PRKAG2: variants seen among roughly 807,000 people sequenced by gnomAD.
The protein encoded by PRKAG2 is protein kinase AMP-activated non-catalytic subunit gamma 2, also known as 5'-AMP-activated protein kinase subunit gamma-2.
In PRKAG2, 26 loss-of-function variants were observed where a neutral mutation model predicts 69.6. The observed-to-expected ratio is 0.37, with a 90% confidence interval of 0.27 to 0.52. The LOEUF is 0.52. Ranked by LOEUF, PRKAG2 falls within the 20% of genes least tolerant of loss-of-function variation. The pLI, the probability that PRKAG2 is intolerant of heterozygous loss-of-function variation, is 0.90. For missense variants in PRKAG2, 557 were observed against 740.0 expected (o/e 0.75, Z 2.87); for synonymous variants, 293 against 285.0 (o/e 1.03, Z -0.28).
intron 3 of PRKAG2, among the ~76,000 whole-genome samples, chr7:151,740,434 T>C (rs1046469742): frequency 2.1e-4 from 30 of 141,014 alleles, no homozygotes; most frequent in Admixed American, 2.1e-4. Flanking sequence ...CCCGAGTTAC[T>C]GCACCAGTCC....
intron 3 of PRKAG2, among the ~76,000 whole-genome samples, chr7:151,704,329 A>G (rs541230242): frequency 7.7e-4 from 118 of 152,340 alleles, no homozygotes; most frequent in South Asian, 7.0e-3. Flanking sequence ...TGATTCTAGC[A>G]TCATATGTTT....
chr7:151,663,945 T>C (rs556110471), intron 4 of PRKAG2, among the ~76,000 whole-genome samples: 2 of 152,344 alleles, frequency 1.3e-5, no homozygotes, highest in Admixed American at 1.3e-4. Flanking sequence ...GTGAGCCATA[T>C]AGTCTCTGTT....
chr7:151,778,008 G>T (rs1315331897), intron 3 of PRKAG2, among the ~76,000 whole-genome samples: 1 of 152,030 alleles, frequency 6.6e-6, no homozygotes, highest in Non-Finnish European at 1.5e-5. Flanking sequence ...ACCTAAGATT[G>T]GTCTTTTGAG....
chr7:151,657,136 C>CAAAAAAAA (rs11307580), intron 4 of PRKAG2, among the ~76,000 whole-genome samples: 1 of 145,864 alleles, frequency 6.9e-6, no homozygotes, highest in African/African-American at 2.5e-5. Flanking sequence ...GACTCCATCT[C>CAAAAAAAA]AAAAAAAAAA....
intron 3 of PRKAG2, among the ~76,000 whole-genome samples, chr7:151,682,255 T>A (rs1833990587): frequency 6.6e-6 from 1 of 152,214 alleles, no homozygotes; most frequent in Admixed American, 6.5e-5. Context: ...TCATTACTTT[T>A]TTTGAGACAA....
chr7:151,720,733 G>A (rs1371961007), intron 3 of PRKAG2, among the ~76,000 whole-genome samples: 1 of 94,056 alleles, frequency 1.1e-5, no homozygotes, highest in African/African-American at 4.4e-5. Context: ...AGAATGGAGG[G>A]GATGGAGGGG....
chr7:151,579,595 AAAG>A (rs574532991), intron 6 of PRKAG2, among the ~76,000 whole-genome samples: 193 of 152,304 alleles, frequency 1.3e-3, no homozygotes, highest in Admixed American at 3.5e-3. Context: ...TCTTGAAAGA[AAAG>A]AAGGCTATGC....
chr7:151,598,373 T>C (rs1040439383), intron 5 of PRKAG2, among the ~76,000 whole-genome samples: 1 of 152,184 alleles, frequency 6.6e-6, no homozygotes, highest in African/African-American at 2.4e-5. Context: ...TGGTGTTCTA[T>C]TGCACAGTGG....
intron 3 of PRKAG2, among the ~76,000 whole-genome samples, chr7:151,700,477 G>A (rs866570952): frequency 6.6e-6 from 1 of 152,204 alleles, no homozygotes; most frequent in East Asian, 1.9e-4. Flanking sequence ...CAGGGGTTCC[G>A]AATTTTGGCA....
chr7:151,665,451 T>C (rs1332955932), intron 4 of PRKAG2, among the ~76,000 whole-genome samples: 1 of 152,172 alleles, frequency 6.6e-6, no homozygotes, highest in Non-Finnish European at 1.5e-5. Flanking sequence ...TTCTGTTCAT[T>C]GAGTCATGAT....
rs1292145803 is a variant in PRKAG2 at position 151,660,355 on chromosome 7, C to T, written c.684+15065G>A. On this transcript the variant is annotated intron_variant, in intron 4 of 15. Coordinates refer to ENST00000287878, the MANE Select transcript of PRKAG2 (RefSeq NM_016203.4). ...ATGACTCAGAAACGTTTATGGTCTC[C>T]CTGGTACTAAAGTACTGTATACTTA... Among the ~76,000 whole-genome samples, 24 of 152,130 alleles carry T rather than the reference C, an allele frequency of 1.6e-4. 1 individual carries two copies. Among genetic ancestry groups the T allele is most frequent in the Admixed American group, 1.6e-3 (24 of 15,276 alleles).
intron 1 of PRKAG2, among the ~76,000 whole-genome samples, chr7:151,848,907 C>T (rs34784704): frequency 0.23 from 34,453 of 152,108 alleles, 4,635 homozygotes; most frequent in East Asian, 0.66. Context: ...ATTGGACTTC[C>T]GTCAGCAGAC....
At chr7:151,562,201 C>T (rs545972934) in intron 14 of PRKAG2, among the ~76,000 whole-genome samples, 231 of 128,862 alleles carry the variant, frequency 1.8e-3, no homozygotes, top group Admixed American at 6.2e-3. Context: ...GCTGAGATTG[C>T]GCCACTGCAC....
At chr7:151,737,095 C>G (rs1402917282) in intron 3 of PRKAG2, among the ~76,000 whole-genome samples, 1 of 152,184 alleles carries the variant, frequency 6.6e-6, no homozygotes, top group Non-Finnish European at 1.5e-5. Context: ...GTCTGATAGC[C>G]TCACTAAAGT....
chr7:151,758,383 T>C (rs1404521440), intron 3 of PRKAG2, among the ~76,000 whole-genome samples: 2 of 152,262 alleles, frequency 1.3e-5, no homozygotes, highest in African/African-American at 4.8e-5. Context: ...CTGGTTTTGA[T>C]GCTAGGAATT....
Position 151,699,656 on chromosome 7 carries a change from G to A in PRKAG2, c.467-24019C>T, listed in dbSNP as rs1257973450. Among the ~76,000 whole-genome samples the A allele has an allele frequency of 1.3e-5, 2 of 152,228 alleles. No individual in the cohort carries two copies. Among genetic ancestry groups the A allele is most frequent in the African/African-American group, 2.4e-5 (1 of 41,458 alleles). The stretch of plus-strand genomic sequence containing the variant: ...AGTGGGATATGCAGTGCCTGGGCTT[G>A]GGGTAACAGAACCCAGCCTACGGGC... On this transcript the variant is annotated intron_variant, in intron 3 of 15. Transcript: ENST00000287878. This position sits in a 1 kb window ranked among gnomAD's most constrained non-coding sequence, Gnocchi z 4.5.
In PRKAG2 at chr7:151,796,650, C is replaced by A. The variant is rs78357483; in HGVS notation, c.115-10109G>T. Among the ~76,000 whole-genome samples the A allele has an allele frequency of 1.9e-3, 295 of 152,200 alleles. 3 individuals are homozygous for A. The highest frequency in any genetic ancestry group is 6.5e-3 in the African/African-American group (270 of 41,496). On this transcript the variant is annotated intron_variant, in intron 1 of 15. Transcript: ENST00000287878. ...CACCCAGTTGGAGCTCGGCAAGGAC[C>A]GCGTCTTTTTCACCCCTGAGTCACC...
intron 5 of PRKAG2, among the ~76,000 whole-genome samples, chr7:151,604,806 G>C (rs774211917): frequency 6.6e-6 from 1 of 152,126 alleles, no homozygotes; most frequent in African/African-American, 2.4e-5. Flanking sequence ...TCCTGGCTGC[G>C]ACAGTTTCTC....
intron 4 of PRKAG2, among the ~76,000 whole-genome samples, chr7:151,653,036 G>A (rs1435748196): frequency 2.0e-5 from 3 of 149,144 alleles, no homozygotes; most frequent in African/African-American, 7.8e-5. Flanking sequence ...GCTAATGAAA[G>A]TTAAAGGAAA....
Sources: gnomAD v4.1 joint callset for allele counts (sites outside exome capture counted in the v4.1 genomes callset) on GRCh38, gnomAD v4.1.1 for gene constraint, Gnocchi (gnomAD v3.1) non-coding constraint, MANE v1.5 for transcripts, NCBI Gene and HGNC (gene_info 2026-07-23, HGNC 2026-07-21) for gene names.